Variants in GRM5 observed in about 807,000 individuals in gnomAD.
GRM5 encodes the protein glutamate metabotropic receptor 5, also known as metabotropic glutamate receptor 5.
Under a neutral mutation model 83.1 loss-of-function variants are expected in GRM5, and 19 were observed. That is an observed-to-expected ratio of 0.23 (90% CI 0.16 to 0.34). GRM5 has a LOEUF of 0.34. Among genes scored for constraint, GRM5 ranks in the 10% least tolerant of loss-of-function variants. The pLI, the probability that GRM5 is intolerant of heterozygous loss-of-function variation, is 1.00. For missense variants in GRM5, 1,160 were observed against 1,588.3 expected (o/e 0.73, Z 4.58); for synonymous variants, 675 against 633.6 (o/e 1.07, Z -0.98).
chr11:88,807,206 G>C (rs1040184174), intron 3 of GRM5, among the ~76,000 whole-genome samples: 2 of 152,048 alleles, frequency 1.3e-5, no homozygotes, highest in African/African-American at 4.8e-5. Context: ...CACATGAATG[G>C]GTGGAAAATG....
chr11:88,786,831 C>T (rs1943077933), intron 3 of GRM5, among the ~76,000 whole-genome samples: 3 of 151,964 alleles, frequency 2.0e-5, no homozygotes. Context: ...TTCATGAAGA[C>T]AGGGGCTTCT....
intron 3 of GRM5, among the ~76,000 whole-genome samples, chr11:88,839,862 ATAT>A (rs371351481): frequency 0.031 from 4,772 of 152,304 alleles, 106 homozygotes; most frequent in Non-Finnish European, 0.048. Context: ...GGTATGCATT[ATAT>A]ACTGTATTCT....
At chr11:88,752,752 A>C (rs577571649) in intron 3 of GRM5, among the ~76,000 whole-genome samples, 1 of 152,346 alleles carries the variant, frequency 6.6e-6, no homozygotes, top group African/African-American at 2.4e-5. Context: ...CTGGTCCAAG[A>C]ACAGACACAT....
At chr11:88,875,635 T>C (rs564027886) in intron 2 of GRM5, among the ~76,000 whole-genome samples, 1 of 152,222 alleles carries the variant, frequency 6.6e-6, no homozygotes, top group East Asian at 1.9e-4. Context: ...GCTATAGCAT[T>C]ATGAAATATA....
chr11:88,773,526 C>A (rs1003019413), intron 3 of GRM5, among the ~76,000 whole-genome samples: 3 of 152,144 alleles, frequency 2.0e-5, no homozygotes, highest in African/African-American at 4.8e-5. Context: ...AACCCTTGCC[C>A]ATGCCTATGT....
intron 2 of GRM5, among the ~76,000 whole-genome samples, chr11:88,952,255 T>C (rs377062114): frequency 2.0e-5 from 3 of 152,190 alleles, no homozygotes; most frequent in Admixed American, 1.3e-4. Context: ...CTCCTATACA[T>C]CTTTCAGGTT....
chr11:88,556,192 G>A (rs308763), intron 8 of GRM5, among the ~76,000 whole-genome samples: 36,673 of 151,978 alleles, frequency 0.24, 7,502 homozygotes, highest in African/African-American at 0.57. Context: ...ATTCTAAAGA[G>A]TAAAGTCATG....
At chr11:88,589,707 T>C (rs1471740372) in intron 7 of GRM5, among the ~76,000 whole-genome samples, 1 of 152,212 alleles carries the variant, frequency 6.6e-6, no homozygotes, top group Non-Finnish European at 1.5e-5. Context: ...TTTTTCCTCT[T>C]TTTCTTGCAT....
intron 2 of GRM5, among the ~76,000 whole-genome samples, chr11:88,936,502 T>C (rs1232964806): frequency 6.6e-6 from 1 of 151,894 alleles, no homozygotes; most frequent in Non-Finnish European, 1.5e-5. Flanking sequence ...TGTTTACTAC[T>C]ATGTCAAATA....
intron 2 of GRM5, among the ~76,000 whole-genome samples, chr11:89,035,579 T>C (rs1941364691): frequency 6.6e-6 from 1 of 151,926 alleles, no homozygotes; most frequent in Non-Finnish European, 1.5e-5. Flanking sequence ...CAGAAATATC[T>C]TTTCATTCTA....
At chr11:89,048,837 C>T (rs1274504506) in intron 1 of GRM5, among the ~76,000 whole-genome samples, 3 of 152,080 alleles carry the variant, frequency 2.0e-5, no homozygotes, top group Admixed American at 6.6e-5. Context: ...ATTTCAATCC[C>T]TGTTCTTATA....
intron 3 of GRM5, among the ~76,000 whole-genome samples, chr11:88,664,001 C>T (rs1939974379): frequency 6.6e-6 from 1 of 152,104 alleles, no homozygotes; most frequent in African/African-American, 2.4e-5. Context: ...CTCATACTTT[C>T]CTCAAACTTC....
intron 2 of GRM5, among the ~76,000 whole-genome samples, chr11:88,992,203 G>A (rs1201613557): frequency 6.6e-6 from 1 of 152,102 alleles, no homozygotes; most frequent in African/African-American, 2.4e-5. Context: ...AAAAGTGGGT[G>A]AAGGATATGA....
intron 2 of GRM5, among the ~76,000 whole-genome samples, chr11:88,902,452 A>G (rs1178964369): frequency 6.6e-6 from 1 of 152,176 alleles, no homozygotes; most frequent in African/African-American, 2.4e-5. Context: ...TTCAAAAACC[A>G]TTATATTGTT....
At chr11:89,024,546 A>G (rs1941081614) in intron 2 of GRM5, among the ~76,000 whole-genome samples, 1 of 152,244 alleles carries the variant, frequency 6.6e-6, no homozygotes, top group African/African-American at 2.4e-5. Flanking sequence ...TATTAAACAT[A>G]AAATACTGGC....
intron 2 of GRM5, among the ~76,000 whole-genome samples, chr11:88,883,722 G>GA (rs34229500): frequency 2.6e-5 from 4 of 152,032 alleles, no homozygotes; most frequent in Admixed American, 2.0e-4. Context: ...GGCTTAGGAG[G>GA]AAAAAAATGG....
intron 3 of GRM5, among the ~76,000 whole-genome samples, chr11:88,709,631 C>G (rs1010587389): frequency 6.6e-6 from 1 of 152,114 alleles, no homozygotes; most frequent in Non-Finnish European, 1.5e-5. Flanking sequence ...CCAGCATGCT[C>G]TAGACATGAA....
intron 3 of GRM5, among the ~76,000 whole-genome samples, chr11:88,675,245 T>C (rs1940299076): frequency 6.6e-6 from 1 of 152,014 alleles, no homozygotes; most frequent in Non-Finnish European, 1.5e-5. Flanking sequence ...AATTGTTATG[T>C]GCTTCTCTTT....
chr11:88,646,145 T>C (rs76851167), intron 4 of GRM5, among the ~76,000 whole-genome samples: 3,343 of 152,142 alleles, frequency 0.022, 118 homozygotes, highest in African/African-American at 0.075. Context: ...AAAGATACAA[T>C]AAATGAATGT....
Sources: allele counts gnomAD v4.1 joint callset (sites outside exome capture counted in the v4.1 genomes callset), GRCh38; gene constraint gnomAD v4.1.1; transcripts MANE v1.5; gene names NCBI Gene and HGNC (gene_info 2026-07-23, HGNC 2026-07-21).